Variants in ARSK observed in about 807,000 individuals in gnomAD.
The protein encoded by ARSK is arylsulfatase family member K.
In ARSK, 37 loss-of-function variants were observed where a neutral mutation model predicts 53.2. The observed-to-expected ratio is 0.70, with a 90% CI of 0.54 to 0.92. The LOEUF (loss-of-function observed/expected upper bound fraction) is 0.92. Ranked by LOEUF, ARSK falls within the 40% of genes least tolerant of loss-of-function variation. The pLI, the probability that ARSK is intolerant of heterozygous loss-of-function variation, is 0.00. For missense variants in ARSK, 613 were observed against 643.0 expected, an observed-to-expected ratio of 0.95 and a Z score of 0.51; for synonymous variants, 208 against 223.2, an observed-to-expected ratio of 0.93 and a Z score of 0.61.
chr5:95,555,365 C>A lies in ARSK; in HGVS notation c.87C>A (p.Ala29=). Residue 29 remains alanine (A), a synonymous_variant, in exon 1 of 8, where the codon GCC becomes GCA. Transcript: ENST00000380009. This position sits in a 1 kb window ranked among gnomAD's most constrained non-coding sequence, Gnocchi z 4.0. ...CAGGGGAGCAGAGGCGGAGAGCAGC[C>A]AAAGCGCCCAATGTGGTGCTGGTCG... is the stretch of plus-strand genomic sequence containing the variant. ...PGAGEQRRRA[A]KAPNVVLVVS... is the part of the protein sequence containing the mutation. The A allele has an allele frequency of 6.2e-7, 1 of 1,610,494 alleles. No individual in the cohort carries two copies. Among genetic ancestry groups the A allele is most frequent in the Non-Finnish European group, 8.5e-7 (1 of 1,179,202 alleles).
At chr5:95,564,239 A>G (rs1030286450) in intron 1 of ARSK, among the ~76,000 whole-genome samples, 29 of 152,250 alleles carry the variant, frequency 1.9e-4, no homozygotes, top group African/African-American at 6.7e-4. Flanking sequence ...CAGCCTCCCA[A>G]AGAGCTGGGA....
chr5:95,569,443 A>C (rs572178366), intron 3 of ARSK, among the ~76,000 whole-genome samples: 2 of 152,174 alleles, frequency 1.3e-5, no homozygotes, highest in Non-Finnish European at 2.9e-5. Context: ...ATTAGTAAGG[A>C]TCTCCAGATG....
At position 95,591,687 on chromosome 5, in the gene ARSK, G is replaced by C. The variant is rs752623598; in HGVS notation, c.1096+62G>C. The C allele has an allele frequency of 2.5e-4, 373 of 1,504,780 alleles. 2 individuals carry two copies. The highest frequency in any genetic ancestry group is 2.2e-4 in the Non-Finnish European group (242 of 1,082,484). 93.2% of individuals were successfully genotyped at this position (1,504,780 alleles called of 1,614,324 possible). A position where few individuals can be genotyped will look rare whatever the true frequency, so the allele number is the denominator to read the frequency against. On this transcript the variant is annotated intron_variant, in intron 6 of 7. Transcript: ENST00000380009. ...AATGCTGGAGAATGCAACTGAAGTT[G>C]TCAGTGAGTCAGTCTTTCAGTTAGT...
intron 3 of ARSK, among the ~76,000 whole-genome samples, chr5:95,570,783 CTTTT>C (rs59188205): frequency 1.4e-5 from 2 of 142,516 alleles, no homozygotes; most frequent in Non-Finnish European, 1.5e-5. Context: ...ATATAACCAT[CTTTT>C]TTTTTTTTTT....
At chr5:95,558,228 G>T (rs868157934) in intron 1 of ARSK, among the ~76,000 whole-genome samples, 1 of 152,206 alleles carries the variant, frequency 6.6e-6, no homozygotes, top group Admixed American at 6.5e-5. Context: ...TATGCCAAGT[G>T]CGGAAAGTTG....
chr5:95,562,041 C>A (rs1748644718), intron 1 of ARSK, among the ~76,000 whole-genome samples: 1 of 151,836 alleles, frequency 6.6e-6, no homozygotes, highest in Admixed American at 6.6e-5. Flanking sequence ...ATGGTGAAAC[C>A]CCATCTCTAC....
intron 6 of ARSK, among the ~76,000 whole-genome samples, chr5:95,599,653 C>A (rs542918389): frequency 2.6e-5 from 4 of 152,098 alleles, no homozygotes; most frequent in Non-Finnish European, 2.9e-5. Context: ...TATCTCTGAA[C>A]AAAAAAGCCA....
At chr5:95,592,827 G>A (rs138732625) in intron 6 of ARSK, among the ~76,000 whole-genome samples, 2,468 of 152,266 alleles carry the variant, frequency 0.016, 36 homozygotes, top group Non-Finnish European at 0.027. Flanking sequence ...GATTACAGGC[G>A]TGAGCCACTA....
At chr5:95,562,317 A>C (rs1184592635) in intron 1 of ARSK, among the ~76,000 whole-genome samples, 3 of 152,036 alleles carry the variant, frequency 2.0e-5, no homozygotes, top group South Asian at 2.1e-4. Context: ...TCCTACTCCT[A>C]CCTCTACTCC....
chr5:95,556,154 A>C, intron 1 of ARSK: 1 of 700,756 alleles, frequency 1.4e-6, no homozygotes, highest in East Asian at 2.7e-5. Flanking sequence ...GGTGTTAAGC[A>C]TATCTGGCAC....
intron 1 of ARSK, chr5:95,556,468 G>C (rs1748511648): frequency 7.8e-6 from 4 of 511,576 alleles, no homozygotes. Context: ...CTTTCCAATA[G>C]GAGTGAGGAG....
chr5:95,601,810 C>T (rs1749405049), intron 7 of ARSK, among the ~76,000 whole-genome samples: 1 of 152,168 alleles, frequency 6.6e-6, no homozygotes, highest in South Asian at 2.1e-4. Flanking sequence ...CTGGCCAACC[C>T]CCTTCACTTG....
chr5:95,578,902 C>T (rs1437309002), intron 3 of ARSK, among the ~76,000 whole-genome samples: 2 of 152,190 alleles, frequency 1.3e-5, no homozygotes, highest in Non-Finnish European at 2.9e-5. Context: ...GGCAAATATA[C>T]AAATTTATGT....
At chr5:95,589,200 A>C (rs1006075042) in intron 5 of ARSK, among the ~76,000 whole-genome samples, 16 of 152,194 alleles carry the variant, frequency 1.1e-4, no homozygotes, top group African/African-American at 3.9e-4. Flanking sequence ...GGTTGTTTAC[A>C]TAGTAATACT....
At chr5:95,567,458 T>A (rs1748742999) in intron 2 of ARSK, among the ~76,000 whole-genome samples, 1 of 152,220 alleles carries the variant, frequency 6.6e-6, no homozygotes, top group Non-Finnish European at 1.5e-5. Context: ...CACACTACGT[T>A]TTTTGTGGAA....
chr5:95,573,520 C>T (rs976276988), intron 3 of ARSK, among the ~76,000 whole-genome samples: 2 of 152,182 alleles, frequency 1.3e-5, no homozygotes, highest in Admixed American at 1.3e-4. Context: ...ATAGCAATCA[C>T]AGCACAAAAT....
chr5:95,559,726 G>A (rs75484440), intron 1 of ARSK, among the ~76,000 whole-genome samples: 1 of 152,168 alleles, frequency 6.6e-6, no homozygotes, highest in African/African-American at 2.4e-5. Flanking sequence ...TACAAAAAAA[G>A]CCAGAACTTT....
At chr5:95,563,316 A>G (rs1300985309) in intron 1 of ARSK, among the ~76,000 whole-genome samples, 2 of 152,244 alleles carry the variant, frequency 1.3e-5, no homozygotes, top group African/African-American at 4.8e-5. Flanking sequence ...TTGCAAAAAT[A>G]CACTGTTGAA....
At chr5:95,578,152 G>C (rs1293751332) in intron 3 of ARSK, among the ~76,000 whole-genome samples, 1 of 151,846 alleles carries the variant, frequency 6.6e-6, no homozygotes, top group African/African-American at 2.4e-5. Context: ...TCAAATTTGA[G>C]AGAAGAATTT....
Sources: gnomAD v4.1 joint callset for allele counts (sites outside exome capture counted in the v4.1 genomes callset) on GRCh38, gnomAD v4.1.1 for gene constraint, Gnocchi (gnomAD v3.1) non-coding constraint, MANE v1.5 for transcripts, NCBI Gene and HGNC (gene_info 2026-07-23, HGNC 2026-07-21) for gene names.